The following TBC1D12 variants were observed in gnomAD, a reference collection of about 807,000 sequenced individuals.
TBC1D12 encodes the protein TBC1 domain family, member 12.
In TBC1D12, 56 loss-of-function variants were observed where a neutral mutation model predicts 86.7. That is an observed-to-expected ratio of 0.65 (90% CI 0.52 to 0.81). TBC1D12 has a LOEUF of 0.81. Ranked by LOEUF, TBC1D12 falls within the 30% of genes least tolerant of loss-of-function variation. The pLI, the probability that TBC1D12 is intolerant of heterozygous loss-of-function variation, is 0.00. For missense variants in TBC1D12, 1,023 were observed against 1,038.8 expected (o/e 0.98, Z 0.21); for synonymous variants, 421 against 411.7 (o/e 1.02, Z -0.27).
Position 94,405,053 on chromosome 10 carries a change from A to AT in TBC1D12, c.971+1469_971+1470insT, listed in dbSNP as rs2054834966. Among the ~76,000 whole-genome samples, 5 of 152,176 alleles carry AT rather than the reference A, an allele frequency of 3.3e-5. No homozygotes were observed. The South Asian group carries it at 8.3e-4, about 25-fold the overall frequency. The stretch of plus-strand genomic sequence containing the variant: ...TAAGAGCTAGACTTCTCTCAAAAAA[A>AT]AAAAAAAAAAGGCAGTTTTCCTTGA... On this transcript the variant is annotated intron_variant, in intron 1 of 12. Transcript: ENST00000225235.
chr10:94,490,684 A>G (rs887979929), intron 3 of TBC1D12, among the ~76,000 whole-genome samples: 10 of 152,082 alleles, frequency 6.6e-5, no homozygotes, highest in African/African-American at 1.9e-4. Context: ...TTTTTTGGAA[A>G]TGGTTTGATC....
chr10:94,427,415 T>C (rs543189598), intron 1 of TBC1D12, among the ~76,000 whole-genome samples: 1 of 152,252 alleles, frequency 6.6e-6, no homozygotes, highest in Non-Finnish European at 1.5e-5. Flanking sequence ...ACAGAGACTT[T>C]ATTTATAAAA....
At chr10:94,500,748 A>ATT (rs148269881) in intron 6 of TBC1D12, among the ~76,000 whole-genome samples, 5 of 150,386 alleles carry the variant, frequency 3.3e-5, no homozygotes, top group Non-Finnish European at 5.9e-5. Context: ...TCATTTTGGG[A>ATT]TTTTTTTTTT....
chr10:94,509,936 A>G (rs1201123006), intron 7 of TBC1D12, 155 bp from the exon 8 acceptor site: 15 of 593,544 alleles, frequency 2.5e-5, no homozygotes. Context: ...AGAGAATAAC[A>G]AGTTCTAACA....
chr10:94,531,535 TAAAAGTTAGTACTTAAA>T, intron 12 of TBC1D12, 75 bp downstream of exon 12: 1 of 1,422,764 alleles, frequency 7.0e-7, no homozygotes, highest in Non-Finnish European at 9.3e-7. Flanking sequence ...AGGTATTTCT[TAAAAGTTAGTACTTAAA>T]AATATGTCTT....
intron 11 of TBC1D12, among the ~76,000 whole-genome samples, chr10:94,530,292 T>C (rs1301955885): frequency 3.3e-5 from 5 of 152,114 alleles, no homozygotes; most frequent in African/African-American, 9.7e-5. Flanking sequence ...GGTCAGACAT[T>C]GTCAGAAAGG....
At chr10:94,432,678 G>T (rs1207374702) in intron 1 of TBC1D12, among the ~76,000 whole-genome samples, 1 of 151,936 alleles carries the variant, frequency 6.6e-6, no homozygotes, top group Non-Finnish European at 1.5e-5. Flanking sequence ...TTTGGCTTTG[G>T]CTTGTTTTTT....
intron 2 of TBC1D12, among the ~76,000 whole-genome samples, chr10:94,470,032 T>A (rs1016973048): frequency 6.6e-6 from 1 of 152,138 alleles, no homozygotes; most frequent in Non-Finnish European, 1.5e-5. Flanking sequence ...GAATTTTTGG[T>A]TTTTTTGCCA....
At chr10:94,421,575 A>G (rs1428089156) in intron 1 of TBC1D12, among the ~76,000 whole-genome samples, 2 of 152,172 alleles carry the variant, frequency 1.3e-5, no homozygotes, top group South Asian at 4.1e-4. Context: ...GTTGGGTTAT[A>G]GGATAATTCT....
chr10:94,526,433 A>G (rs1458248896), intron 11 of TBC1D12, among the ~76,000 whole-genome samples: 1 of 142,310 alleles, frequency 7.0e-6, no homozygotes, highest in Non-Finnish European at 1.6e-5. Flanking sequence ...TGTCTCTGAG[A>G]AAAAAAAAAA....
At chr10:94,497,498 C>T (rs1181527295) in intron 5 of TBC1D12, among the ~76,000 whole-genome samples, 2 of 151,192 alleles carry the variant, frequency 1.3e-5, no homozygotes, top group African/African-American at 4.9e-5. Flanking sequence ...ACTGACCATC[C>T]TCTGTGTCTG....
At chr10:94,495,090 C>T (rs979834376) in intron 4 of TBC1D12, among the ~76,000 whole-genome samples, 1 of 151,190 alleles carries the variant, frequency 6.6e-6, no homozygotes, top group Non-Finnish European at 1.5e-5. Flanking sequence ...GTGGCGCAAT[C>T]TCGGCTCACT....
chr10:94,471,929 A>G (rs945794550), intron 2 of TBC1D12, among the ~76,000 whole-genome samples: 1 of 152,142 alleles, frequency 6.6e-6, no homozygotes, highest in Non-Finnish European at 1.5e-5. Context: ...TTTAACTTTG[A>G]TTTTTCTTTT....
intron 2 of TBC1D12, among the ~76,000 whole-genome samples, chr10:94,474,260 T>C (rs1032319845): frequency 6.6e-6 from 1 of 152,188 alleles, no homozygotes; most frequent in Non-Finnish European, 1.5e-5. Context: ...TAATCTAGTG[T>C]ACTTCTGTCT....
intron 3 of TBC1D12, among the ~76,000 whole-genome samples, chr10:94,485,187 A>C (rs963216584): frequency 6.6e-6 from 1 of 152,028 alleles, no homozygotes; most frequent in African/African-American, 2.4e-5. Flanking sequence ...TTTAGAAGAA[A>C]CGCTTCAGTT....
chr10:94,525,568 G>A (rs1471612285), intron 11 of TBC1D12, among the ~76,000 whole-genome samples: 4 of 149,198 alleles, frequency 2.7e-5, no homozygotes, highest in Non-Finnish European at 4.4e-5. Context: ...GCTGAGGCAC[G>A]AGAATCGCTT....
rs34789814 is a variant in TBC1D12 at position 94,497,515 on chromosome 10, C to CTTTTT, written c.1412+361_1412+365dup. On this transcript the variant is annotated intron_variant, in intron 5 of 12. Coordinates refer to ENST00000225235, the MANE Select transcript of TBC1D12 (RefSeq NM_015188.2). ...TGACCATCCTCTGTGTCTGCTAAAT[C>CTTTTT]TTTTTTTTTTTTTTTTTTTTTTGAG... is the stretch of plus-strand genomic sequence containing the variant. 1.8e-4 allele frequency among the ~76,000 whole-genome samples: 18 copies of CTTTTT among 98,096 alleles called. 1 individual carries two copies. The highest frequency in any genetic ancestry group is 2.8e-4 in the East Asian group (1 of 3,514). The allele number at this position is 98,096 out of a possible 152,430, so 64.4% of individuals were successfully genotyped here. A position where few individuals can be genotyped will look rare whatever the true frequency, so the allele number is the denominator to read the frequency against.
At chr10:94,459,114 TTACAGAGAGC>T in intron 2 of TBC1D12, among the ~76,000 whole-genome samples, 1 of 151,268 alleles carries the variant, frequency 6.6e-6, no homozygotes, top group Non-Finnish European at 1.5e-5. Context: ...TTGGTCCATT[TTACAGAGAGC>T]TGATTGGTCC....
chr10:94,424,595 A>G (rs2055122899), intron 1 of TBC1D12, among the ~76,000 whole-genome samples: 1 of 152,218 alleles, frequency 6.6e-6, no homozygotes, highest in Non-Finnish European at 1.5e-5. Context: ...TAGCTCAGGG[A>G]GCATGAGATG....
Sources: allele counts gnomAD v4.1 joint callset (sites outside exome capture counted in the v4.1 genomes callset), GRCh38; gene constraint gnomAD v4.1.1; transcripts MANE v1.5; gene names NCBI Gene and HGNC (gene_info 2026-07-23, HGNC 2026-07-21).